ANO10: variants seen among roughly 807,000 people sequenced by gnomAD.
ANO10 encodes anoctamin-10.
Under a neutral mutation model 74.7 loss-of-function variants are expected in ANO10, and 77 were observed. The observed-to-expected ratio is 1.03, with a 90% CI of 0.86 to 1.25. The LOEUF is 1.25. Among genes scored for constraint, ANO10 ranks in the 50% most tolerant of loss-of-function variants. ANO10 has a pLI of 0.00. For missense variants in ANO10, 721 were observed against 778.1 expected (o/e 0.93, Z 0.87); for synonymous variants, 279 against 284.9 (o/e 0.98, Z 0.21).
At chr3:43,622,867 TTTG>T (rs2149554182), upstream of ANO10, among the ~76,000 whole-genome samples, 2 of 152,236 alleles carry the variant, frequency 1.3e-5, no homozygotes, top group East Asian at 1.9e-4. Context: ...TTTTTGACTT[TTTG>T]TTGTTGTTGT....
chr3:43,567,050 A>G (rs1390898032), intron 7 of ANO10, among the ~76,000 whole-genome samples: 2 of 152,206 alleles, frequency 1.3e-5, no homozygotes, highest in Non-Finnish European at 2.9e-5. Flanking sequence ...AAGCCTCAGG[A>G]GCTGATGCAA....
intron 12 of ANO10, among the ~76,000 whole-genome samples, chr3:43,393,179 C>T (rs2092311489): frequency 6.6e-6 from 1 of 152,048 alleles, no homozygotes; most frequent in Admixed American, 6.6e-5. Flanking sequence ...CCAATGCCTA[C>T]CTCATATTTC....
intron 12 of ANO10, among the ~76,000 whole-genome samples, chr3:43,418,301 A>G (rs752830896): frequency 3.2e-4 from 49 of 152,148 alleles, no homozygotes; most frequent in Non-Finnish European, 5.0e-4. Context: ...CAAAACAAAC[A>G]AACAAAGAAT....
At chr3:43,671,036 T>C (rs1438287055) in intron 1 of ANO10, among the ~76,000 whole-genome samples, 1 of 152,176 alleles carries the variant, frequency 6.6e-6, no homozygotes, top group Non-Finnish European at 1.5e-5. Flanking sequence ...CTCTGTATAA[T>C]TGTTGGTAAG....
chr3:43,663,279 C>A (rs1390081690), intron 1 of ANO10, among the ~76,000 whole-genome samples: 1 of 152,084 alleles, frequency 6.6e-6, no homozygotes, highest in Non-Finnish European at 1.5e-5. Context: ...TAAACAGAAC[C>A]AACAACAAAA....
chr3:43,587,012 C>G (rs970671123), intron 4 of ANO10, among the ~76,000 whole-genome samples: 3 of 152,116 alleles, frequency 2.0e-5, no homozygotes, highest in African/African-American at 7.2e-5. Context: ...AGAGCAAACA[C>G]AACCAAATAA....
chr3:43,543,841 TTAG>T (rs1333263608), intron 11 of ANO10, among the ~76,000 whole-genome samples: 2 of 152,158 alleles, frequency 1.3e-5, no homozygotes, highest in African/African-American at 2.4e-5. Flanking sequence ...GCCCTAAACA[TTAG>T]AAATGCAGTG....
At chr3:43,443,732 G>A (rs2093198715) in intron 11 of ANO10, among the ~76,000 whole-genome samples, 1 of 141,962 alleles carries the variant, frequency 7.0e-6, no homozygotes, top group Non-Finnish European at 1.5e-5. Flanking sequence ...CCAGGCTGGA[G>A]TGCAATGGCA....
chr3:43,453,680 C>G (rs1402846568), intron 11 of ANO10, among the ~76,000 whole-genome samples: 2 of 152,166 alleles, frequency 1.3e-5, no homozygotes, highest in Non-Finnish European at 2.9e-5. Flanking sequence ...TTGCATATGG[C>G]TATCCAGTTG....
intron 10 of ANO10, among the ~76,000 whole-genome samples, chr3:43,550,442 T>C (rs951785186): frequency 6.6e-6 from 1 of 152,328 alleles, no homozygotes; most frequent in East Asian, 1.9e-4. Context: ...CTTTGGTGCA[T>C]ACTGCCAAGG....
chr3:43,611,189 G>A (rs1188687795), intron 1 of ANO10, among the ~76,000 whole-genome samples: 1 of 152,134 alleles, frequency 6.6e-6, no homozygotes, highest in Non-Finnish European at 1.5e-5. Context: ...GGCTTTTAAG[G>A]GAGTGCTTCT....
At chr3:43,480,125 G>T (rs2076211021) in intron 11 of ANO10, among the ~76,000 whole-genome samples, 1 of 152,136 alleles carries the variant, frequency 6.6e-6, no homozygotes, top group Admixed American at 6.5e-5. Context: ...TATGATTGCT[G>T]ACATTCAATA....
intron 12 of ANO10, among the ~76,000 whole-genome samples, chr3:43,402,609 A>C (rs559462319): frequency 6.6e-6 from 1 of 152,184 alleles, no homozygotes; most frequent in South Asian, 2.1e-4. Context: ...AGGCTGAAGG[A>C]ATCCTGGTCT....
intron 1 of ANO10, among the ~76,000 whole-genome samples, chr3:43,612,834 T>A (rs2082895031): frequency 6.6e-6 from 1 of 152,050 alleles, no homozygotes; most frequent in Admixed American, 6.5e-5. Flanking sequence ...TTAGGTTTTG[T>A]CAGGGGCAAA....
intron 12 of ANO10, among the ~76,000 whole-genome samples, chr3:43,426,393 C>T (rs1012218637): frequency 1.4e-4 from 21 of 152,166 alleles, no homozygotes; most frequent in African/African-American, 5.1e-4. Context: ...TTTGATAAGG[C>T]CTGGCCCAGT....
At chr3:43,487,356 T>A (rs1385892185) in intron 11 of ANO10, among the ~76,000 whole-genome samples, 1 of 152,134 alleles carries the variant, frequency 6.6e-6, no homozygotes, top group African/African-American at 2.4e-5. Context: ...TTTCTATTGA[T>A]TGGAATAGTT....
chr3:43,368,686 CTTT>C (rs780354509), intron 12 of ANO10, among the ~76,000 whole-genome samples: 2 of 140,848 alleles, frequency 1.4e-5, no homozygotes, highest in Non-Finnish European at 3.1e-5. Flanking sequence ...TTTAAAATGT[CTTT>C]TTTTTTTTTT....
At chr3:43,678,640 G>C (rs2149580658) in intron 1 of ANO10, among the ~76,000 whole-genome samples, 1 of 152,282 alleles carries the variant, frequency 6.6e-6, no homozygotes, top group South Asian at 2.1e-4. Context: ...AAAAGGGACA[G>C]AACTGCTCAC....
In ANO10 at chr3:43,537,805, G is replaced by A. The variant is rs150593185; in HGVS notation, c.1797+11915C>T. Among the ~76,000 whole-genome samples the A allele has an allele frequency of 5.2e-3, 798 of 152,216 alleles. 5 individuals carry two copies. Among genetic ancestry groups the A allele is most frequent in the African/African-American group, 0.017 (725 of 41,536 alleles). On this transcript the variant is annotated intron_variant, in intron 11 of 12. Transcript: ENST00000292246. Reference sequence around the variant, plus strand: ...GACTGGGAACACATTTTATTAGTTAGGAGGAAATTATAGTAGTAGTATTAA... The same window carrying A: ...GACTGGGAACACATTTTATTAGTTAAGAGGAAATTATAGTAGTAGTATTAA...
Sources: gnomAD v4.1 joint callset for allele counts (sites outside exome capture counted in the v4.1 genomes callset) on GRCh38, gnomAD v4.1.1 for gene constraint, MANE v1.5 for transcripts, NCBI Gene and HGNC (gene_info 2026-07-23, HGNC 2026-07-21) for gene names.